MYO10: variants seen among roughly 807,000 people sequenced by gnomAD.
MYO10 encodes unconventional myosin-X.
Under a neutral mutation model 257.3 loss-of-function variants are expected in MYO10, and 133 were observed. The ratio of observed to expected loss-of-function variants is 0.52; its 90% CI spans 0.45 to 0.60. MYO10 has a LOEUF of 0.60. Ranked by LOEUF, MYO10 falls within the 20% of genes least tolerant of loss-of-function variation. The pLI is 0.00. For missense variants in MYO10, 2,399 were observed against 2,635.7 expected (o/e 0.91, Z 1.97); for synonymous variants, 1,104 against 1,028.6 (o/e 1.07, Z -1.40).
chr5:16,924,934 C>T (rs1746090300), intron 1 of MYO10, among the ~76,000 whole-genome samples: 1 of 151,470 alleles, frequency 6.6e-6, no homozygotes, highest in Non-Finnish European at 1.5e-5. Context: ...AGGTTCACGC[C>T]ATTCTCCTGC....
chr5:16,873,891 C>T (rs1744516806), intron 2 of MYO10, among the ~76,000 whole-genome samples: 1 of 152,160 alleles, frequency 6.6e-6, no homozygotes, highest in South Asian at 2.1e-4. Flanking sequence ...ACCATTTTTC[C>T]TCCTGGGCCT....
At chr5:16,869,390 C>G (rs947338734) in intron 2 of MYO10, among the ~76,000 whole-genome samples, 1 of 151,742 alleles carries the variant, frequency 6.6e-6, no homozygotes, top group Non-Finnish European at 1.5e-5. Context: ...AGTTCCAGAC[C>G]AGCCTGGGTA....
At chr5:16,892,761 A>G (rs1421309397) in intron 1 of MYO10, among the ~76,000 whole-genome samples, 1 of 152,202 alleles carries the variant, frequency 6.6e-6, no homozygotes, top group Non-Finnish European at 1.5e-5. Context: ...TTCAGCCCTC[A>G]TATTGCTTTA....
chr5:16,704,421 C>T (rs1384337175), intron 22 of MYO10, among the ~76,000 whole-genome samples, 158 bp downstream of exon 22: 2 of 152,112 alleles, frequency 1.3e-5, no homozygotes, highest in Non-Finnish European at 2.9e-5. Context: ...ACCTGCTGCC[C>T]AGTCAGGCTA....
chr5:16,719,273 G>C (rs1739043439), intron 19 of MYO10, among the ~76,000 whole-genome samples: 3 of 152,072 alleles, frequency 2.0e-5, no homozygotes, highest in Non-Finnish European at 2.9e-5. Context: ...TCACCGCGAG[G>C]GTCCGCGGCT....
chr5:16,910,919 T>C (rs1745640640), intron 1 of MYO10, among the ~76,000 whole-genome samples: 1 of 152,098 alleles, frequency 6.6e-6, no homozygotes, highest in Non-Finnish European at 1.5e-5. Flanking sequence ...AGTATCTTAG[T>C]ATGACATCTA....
intron 2 of MYO10, among the ~76,000 whole-genome samples, chr5:16,860,088 C>T (rs1296862371): frequency 6.6e-6 from 1 of 152,174 alleles, no homozygotes; most frequent in Non-Finnish European, 1.5e-5. Context: ...ATTAGAAAAA[C>T]CTGCACACTA....
At chr5:16,717,945 T>C (rs1267518073) in intron 19 of MYO10, among the ~76,000 whole-genome samples, 1 of 151,802 alleles carries the variant, frequency 6.6e-6, no homozygotes, top group Non-Finnish European at 1.5e-5. Context: ...TGCAGGGAGG[T>C]GTGGAGGGAG....
At chr5:16,927,373 G>A (rs1443553121) in intron 1 of MYO10, among the ~76,000 whole-genome samples, 1 of 152,112 alleles carries the variant, frequency 6.6e-6, no homozygotes, top group Admixed American at 6.5e-5. Flanking sequence ...TGCCCAGGCT[G>A]GAGTGCAGTG....
At position 16,752,684 on chromosome 5, in the gene MYO10, G is replaced by A. The variant is rs544674826; in HGVS notation, c.1929+2144C>T. Among the ~76,000 whole-genome samples the A allele has an allele frequency of 3.9e-5, 6 of 152,298 alleles. No homozygotes were observed. The South Asian group carries it at 8.3e-4, about 21-fold the overall frequency. ...TGTAGAAAGAGGAGAGAACGCCATC[G>A]GATACTGAGCAACTCCTGGGAGTCT... On this transcript the variant is annotated intron_variant, in intron 19 of 40. Transcript: ENST00000513610.
Position 16,670,799 on chromosome 5 carries a change from G to T in MYO10, c.5610C>A (p.Thr1870=). Residue 1870 remains threonine, a synonymous_variant, in exon 39 of 41, where the codon ACC becomes ACA. Coordinates refer to ENST00000513610, the MANE Select transcript of MYO10 (RefSeq NM_012334.3). ...LKARISQSTK[T]FTPCERLEKR... Reference sequence around the variant, plus strand: ...TCTCCAGCCGTTCACAAGGGGTGAAGGTTTTGGTTGACTGGCTGATGCGGG... The same window carrying T: ...TCTCCAGCCGTTCACAAGGGGTGAATGTTTTGGTTGACTGGCTGATGCGGG... 1 of 1,614,046 alleles carries T rather than the reference G, an allele frequency of 6.2e-7. No individual in the cohort carries two copies. Among genetic ancestry groups the T allele is most frequent in the Non-Finnish European group, 8.5e-7 (1 of 1,179,904 alleles).
chr5:16,914,700 C>T lies in MYO10; in HGVS notation c.21+21088G>A, dbSNP rs116610901. ...ATTTAATCACTGCCTAGTATGGGAT[C>T]GTATCGCACTAGAAAAAGTCCAAAT... On this transcript the variant is annotated intron_variant, in intron 1 of 40. Transcript: ENST00000513610. Among the ~76,000 whole-genome samples the T allele has an allele frequency of 4.9e-3, 739 of 152,298 alleles. 8 individuals are homozygous for T. Among genetic ancestry groups the T allele is most frequent in the African/African-American group, 0.016 (675 of 41,542 alleles).
chr5:16,724,031 C>G (rs1400125192), intron 19 of MYO10, among the ~76,000 whole-genome samples: 2 of 152,146 alleles, frequency 1.3e-5, no homozygotes, highest in Admixed American at 6.5e-5. Flanking sequence ...GGATACATGA[C>G]ATCATGCATT....
At chr5:16,697,567 G>A (rs1279905767) in intron 26 of MYO10, among the ~76,000 whole-genome samples, 5 of 152,020 alleles carry the variant, frequency 3.3e-5, no homozygotes, top group African/African-American at 4.8e-5. Flanking sequence ...GGGCATTGGC[G>A]TGTGCCTGTA....
intron 1 of MYO10, among the ~76,000 whole-genome samples, chr5:16,909,985 C>A (rs1031940557): frequency 1.3e-5 from 2 of 152,100 alleles, no homozygotes; most frequent in Admixed American, 6.6e-5. Flanking sequence ...TGAGGCCTCA[C>A]CAGAAGCAGA....
chr5:16,777,844 T>C lies in MYO10; in HGVS notation c.930+1701A>G, dbSNP rs113687045. Among the ~76,000 whole-genome samples the C allele has an allele frequency of 4.2e-3, 526 of 124,856 alleles. 29 individuals carry two copies. Among genetic ancestry groups the C allele is most frequent in the Non-Finnish European group, 6.2e-3 (376 of 60,398 alleles). The allele number at this position is 124,856 out of a possible 152,430, so 81.9% of individuals were successfully genotyped here. On this transcript the variant is annotated intron_variant, in intron 9 of 40. Transcript: ENST00000513610. ...CCTAGGTGCATTGCATCTAACTTTT[T>C]TTTTTTTTTTTTTTTTTTTTTTTGA...
In MYO10 at chr5:16,814,220, C is replaced by G. The variant is rs192960683; in HGVS notation, c.279+3789G>C. Among the ~76,000 whole-genome samples the G allele has an allele frequency of 2.7e-3, 416 of 152,322 alleles. 3 individuals carry two copies. Among genetic ancestry groups the G allele is most frequent in the African/African-American group, 9.4e-3 (392 of 41,590 alleles). ...GGCAGTGCGCGATCTCGGCTCACTG[C>G]AAGCTCCGCCTCCCGGGTTCACGCC... On this transcript the variant is annotated intron_variant, in intron 3 of 40. Coordinates refer to ENST00000513610, the MANE Select transcript of MYO10 (RefSeq NM_012334.3).
intron 3 of MYO10, chr5:16,815,604 C>G: frequency 3.3e-6 from 2 of 608,756 alleles, no homozygotes. Flanking sequence ...TCCTTGGTTC[C>G]AGGAAGACAA....
intron 19 of MYO10, among the ~76,000 whole-genome samples, chr5:16,714,300 A>G (rs959544357): frequency 4.6e-5 from 7 of 152,082 alleles, no homozygotes; most frequent in Non-Finnish European, 1.0e-4. Flanking sequence ...CCCACAGGAA[A>G]AAAAAAACAG....
Sources: allele counts gnomAD v4.1 joint callset (sites outside exome capture counted in the v4.1 genomes callset), GRCh38; gene constraint gnomAD v4.1.1; transcripts MANE v1.5; gene names NCBI Gene and HGNC (gene_info 2026-07-23, HGNC 2026-07-21).